The following CHAMP1 variants were observed in gnomAD, a reference collection of about 807,000 sequenced individuals.
CHAMP1 encodes chromosome alignment maintaining phosphoprotein 1, also known as chromosome alignment-maintaining phosphoprotein 1.
Under a neutral mutation model 54.5 loss-of-function variants are expected in CHAMP1, and 4 were observed. That is an observed-to-expected ratio of 0.07 (90% CI 0.04 to 0.17). CHAMP1 has a LOEUF of 0.17. CHAMP1 is among the 10% of genes least tolerant of loss of function. The pLI, the probability that CHAMP1 is intolerant of heterozygous loss-of-function variation, is 1.00. For missense variants in CHAMP1, 994 were observed against 968.6 expected (o/e 1.03, Z -0.35); for synonymous variants, 368 against 342.2 (o/e 1.08, Z -0.83).
At position 114,326,256 on chromosome 13, in the gene CHAMP1, C is replaced by T. The variant is rs781891231; in HGVS notation, c.2414C>T (p.Pro805Leu). ...ANKKLMEALE[P>L]PLEEQQI ...AAAAAGCTAATGGAAGCTCTTGAAC[C>T]GCCACTGGAGGAGCAGCAAATTTGA... Residue 805 changes from proline to leucine, a missense_variant, in exon 3 of 3, where the codon CCG (proline) becomes CTG (leucine). This residue lies in a region of CHAMP1 where 59 missense variants were observed against 146.7 expected (regional missense o/e 0.40). Transcript: ENST00000361283. 10 of 1,579,050 alleles carry T rather than the reference C, an allele frequency of 6.3e-6. No homozygotes were observed. Among genetic ancestry groups the T allele is most frequent in the South Asian group, 3.5e-5 (3 of 85,942 alleles).
chr13:114,326,149 T>C lies in CHAMP1; in HGVS notation c.2307T>C (p.Arg769=), dbSNP rs939091454. ...AHGQSLLKCP[R]CNFESNFPRG... ...GGCAAAGTTTACTTAAATGTCCACGTTGTAATTTTGAATCAAATTTCCCAA... is the reference window on the plus strand; with the variant it reads ...GGCAAAGTTTACTTAAATGTCCACGCTGTAATTTTGAATCAAATTTCCCAA... The change falls in exon 3 of 3, where the codon CGT becomes CGC. Residue 769 remains arginine (R), a synonymous_variant. Transcript: ENST00000361283. 2.5e-6 allele frequency: 4 copies of C among 1,613,250 alleles called. No individual in the cohort carries two copies. In the African/African-American group the frequency reaches 5.3e-5, roughly 22 times the overall value.
rs374095161 is a variant in CHAMP1, at chr13:114,325,209, G to A, written c.1367G>A (p.Arg456Gln). Residue 456 changes from arginine to glutamine, a missense_variant, in exon 3 of 3, where the codon CGG becomes CAG. Around this residue, in one of 3 missense-constraint regions of CHAMP1, gnomAD observed 851 missense variants for 701.3 expected, o/e 1.21. Transcript: ENST00000361283. ...PDLWKLSPDQ[R>Q]KTSPASLDFP... ...CTTTGGAAGCTTTCTCCTGATCAGC[G>A]GAAAACTTCTCCTGCTTCACTTGAT... The A allele has an allele frequency of 4.2e-5, 68 of 1,614,128 alleles. No homozygotes were observed. Among genetic ancestry groups the A allele is most frequent in the African/African-American group, 2.5e-4 (19 of 75,006 alleles).
chr13:114,324,591 T>G lies in CHAMP1; in HGVS notation c.749T>G (p.Leu250Arg). ...GCCTCATCTCCAGAGTCACCAGTTC[T>G]AGCTGCTTCCCCAGAACCTTGGGGA... ...PSASSPESPV[L>R]AASPEPWGPS... The change falls in exon 3 of 3, where the codon CTA (leucine) becomes CGA (arginine). Residue 250 changes from leucine (L) to arginine (R), a missense_variant. This residue lies in a region of CHAMP1 where 851 missense variants were observed against 701.3 expected (regional missense o/e 1.21). Coordinates refer to ENST00000361283, the MANE Select transcript of CHAMP1 (RefSeq NM_032436.4). 2 of 1,614,110 alleles carry G rather than the reference T, an allele frequency of 1.2e-6. No homozygotes were observed. The highest frequency in any genetic ancestry group is 1.7e-6 in the Non-Finnish European group (2 of 1,180,018).
Position 114,325,415 on chromosome 13 carries a change from C to A in CHAMP1, c.1573C>A (p.Pro525Thr). ...GCCTGTTCTCTCTATCGATACTGAG[C>A]CTAGAAAACCTGCCCTGTTTCCCGA... ...WKPVLSIDTE[P>T]RKPALFPEPA... Residue 525 changes from proline to threonine, a missense_variant, in exon 3 of 3, where the codon CCT becomes ACT. Physicochemically the swap from Pro to Thr is conservative, Grantham distance 38. Coordinates refer to ENST00000361283, the MANE Select transcript of CHAMP1 (RefSeq NM_032436.4). 1 of 1,614,108 alleles carries A rather than the reference C, an allele frequency of 6.2e-7. No homozygotes were observed. Among genetic ancestry groups the A allele is most frequent in the Non-Finnish European group, 8.5e-7 (1 of 1,180,038 alleles).
chr13:114,324,852 C>A lies in CHAMP1; in HGVS notation c.1010C>A (p.Ala337Asp). 1 of 1,614,166 alleles carries A rather than the reference C, an allele frequency of 6.2e-7. No homozygotes were observed. Among genetic ancestry groups the A allele is most frequent in the Non-Finnish European group, 8.5e-7 (1 of 1,180,034 alleles). Reference sequence around the variant, plus strand: ...GCATCATCAGGACCTTGGAAGCCAGCTAAACCTGCTCCATCTGTGTCTCCT... The same window carrying A: ...GCATCATCAGGACCTTGGAAGCCAGATAAACCTGCTCCATCTGTGTCTCCT... ...PSASSGPWKP[A>D]KPAPSVSPGP... is the part of the protein sequence containing the mutation. Residue 337 changes from alanine to aspartate, a missense_variant, in exon 3 of 3, where the codon GCT becomes GAT. Physicochemically the swap from Ala to Asp is moderately radical, Grantham distance 126. Coordinates refer to ENST00000361283, the MANE Select transcript of CHAMP1 (RefSeq NM_032436.4).
At chr13:114,318,876 TTTTTTTTTTTA>T (rs2087133829) in intron 1 of CHAMP1, among the ~76,000 whole-genome samples, 1 of 136,168 alleles carries the variant, frequency 7.3e-6, no homozygotes, top group African/African-American at 3.0e-5. Flanking sequence ...TTTTTTTTTT[TTTTTTTTTTTA>T]ATGTTCCCTA....
chr13:114,324,809 T>A lies in CHAMP1; in HGVS notation c.967T>A (p.Trp323Arg). Residue 323 changes from tryptophan (W) to arginine (R), a missense_variant, in exon 3 of 3, where the codon TGG becomes AGG. Physicochemically the swap from Trp to Arg is moderately radical, Grantham distance 101. Coordinates refer to ENST00000361283, the MANE Select transcript of CHAMP1 (RefSeq NM_032436.4). ...KPGPPGSPRP[W>R]KSNPSASSGP... The stretch of plus-strand genomic sequence containing the variant: ...AGGGCCACCTGGGTCCCCTAGGCCT[T>A]GGAAATCCAATCCTTCAGCATCATC... 6.2e-7 allele frequency: 1 copy of A among 1,614,024 alleles called. No homozygotes were observed. Among genetic ancestry groups the A allele is most frequent in the Non-Finnish European group, 8.5e-7 (1 of 1,179,940 alleles).
chr13:114,316,481 T>G (rs909419324), intron 1 of CHAMP1, among the ~76,000 whole-genome samples: 1 of 151,168 alleles, frequency 6.6e-6, no homozygotes, highest in Non-Finnish European at 1.5e-5. Context: ...TCCCAGCTAC[T>G]GGGGAGGCTG....
intron 1 of CHAMP1, among the ~76,000 whole-genome samples, chr13:114,316,925 G>A (rs963351436): frequency 1.3e-5 from 2 of 152,106 alleles, no homozygotes; most frequent in African/African-American, 4.8e-5. Flanking sequence ...AGGAAAAACT[G>A]GGGACAAGAA....
chr13:114,317,120 C>G (rs1392492336), intron 1 of CHAMP1, among the ~76,000 whole-genome samples: 1 of 152,026 alleles, frequency 6.6e-6, no homozygotes, highest in Non-Finnish European at 1.5e-5. Flanking sequence ...CGGGTTCAAG[C>G]GATTCTCCTG....
intron 1 of CHAMP1, among the ~76,000 whole-genome samples, chr13:114,320,578 T>C (rs2087154486): frequency 6.6e-6 from 1 of 152,186 alleles, no homozygotes; most frequent in South Asian, 2.1e-4. Flanking sequence ...ACGGGCATAA[T>C]TCCATAGTGG....
Position 114,326,456 on chromosome 13 carries a change from C to G in CHAMP1, c.*175C>G. On this transcript the variant is annotated 3_prime_UTR_variant, in exon 3 of 3. Coordinates refer to ENST00000361283, the MANE Select transcript of CHAMP1 (RefSeq NM_032436.4). Reference sequence around the variant, plus strand: ...TTGATCATTTTTTTCTGGTCTCTGTCTATGTGACTATCTTGTAAGTCAATA... The same window carrying G: ...TTGATCATTTTTTTCTGGTCTCTGTGTATGTGACTATCTTGTAAGTCAATA... 1.6e-6 allele frequency: 1 copy of G among 640,914 alleles called. No individual in the cohort carries two copies. The highest frequency in any genetic ancestry group is 3.7e-5 in the Admixed American group (1 of 26,898). The allele number at this position is 640,914 out of a possible 1,614,324, so 39.7% of individuals were successfully genotyped here. A position where few individuals can be genotyped will look rare whatever the true frequency, so the allele number is the denominator to read the frequency against.
Position 114,324,876 on chromosome 13 carries a change from C to G in CHAMP1, c.1034C>G (p.Pro345Arg), listed in dbSNP as rs1050189129. ...KPAKPAPSVS[P>R]GPWKPIPSVS... ...GCTAAACCTGCTCCATCTGTGTCTC[C>G]TGGACCTTGGAAACCAATTCCTTCT... The change falls in exon 3 of 3, where the codon CCT (proline) becomes CGT (arginine). Residue 345 changes from proline (P) to arginine (R), a missense_variant. Coordinates refer to ENST00000361283, the MANE Select transcript of CHAMP1 (RefSeq NM_032436.4). 5 of 1,614,054 alleles carry G rather than the reference C, an allele frequency of 3.1e-6. No homozygotes were observed. Among genetic ancestry groups the G allele is most frequent in the Non-Finnish European group, 3.4e-6 (4 of 1,180,034 alleles).
chr13:114,319,445 C>G (rs1400342175), intron 1 of CHAMP1, among the ~76,000 whole-genome samples: 5 of 152,186 alleles, frequency 3.3e-5, no homozygotes, highest in Admixed American at 6.5e-5. Flanking sequence ...AGTCCCTCCT[C>G]TCCAGGAGCT....
chr13:114,324,869 G>C lies in CHAMP1; in HGVS notation c.1027G>C (p.Val343Leu). The C allele has an allele frequency of 6.2e-7, 1 of 1,614,146 alleles. No homozygotes were observed. The highest frequency in any genetic ancestry group is 8.5e-7 in the Non-Finnish European group (1 of 1,180,020). Residue 343 changes from valine to leucine, a missense_variant, in exon 3 of 3, where the codon GTG becomes CTG. Coordinates refer to ENST00000361283, the MANE Select transcript of CHAMP1 (RefSeq NM_032436.4). ...PWKPAKPAPS[V>L]SPGPWKPIPS... ...GAAGCCAGCTAAACCTGCTCCATCT[G>C]TGTCTCCTGGACCTTGGAAACCAAT...
chr13:114,324,326 G>T lies in CHAMP1; in HGVS notation c.484G>T (p.Val162Phe), dbSNP rs1007989539. 2.2e-5 allele frequency: 36 copies of T among 1,613,922 alleles called. No homozygotes were observed. The highest frequency in any genetic ancestry group is 2.9e-5 in the Non-Finnish European group (34 of 1,180,032). The change falls in exon 3 of 3, where the codon GTT becomes TTT. Residue 162 changes from valine (V) to phenylalanine (F), a missense_variant. Transcript: ENST00000361283. ...CCTGGAGCCTCAGAAACCTGGCTCT[G>T]TTGTTTCTCCTGAGCTACAGACACC... ...TPLEPQKPGS[V>F]VSPELQTPLP...
chr13:114,326,502 G>T lies in CHAMP1; in HGVS notation c.*221G>T. On this transcript the variant is annotated 3_prime_UTR_variant, in exon 3 of 3. Transcript: ENST00000361283. ...CAATAAATTTCTGTATAGTCCAGAT[G>T]GATTAAACTTCTCATTTCTTTTAAA... 1 of 424,620 alleles carries T rather than the reference G, an allele frequency of 2.4e-6. No homozygotes were observed. Among genetic ancestry groups the T allele is most frequent in the Non-Finnish European group, 4.2e-6 (1 of 235,934 alleles). 26.3% of individuals were successfully genotyped at this position (424,620 alleles called of 1,614,324 possible).
rs782389728 is a variant in CHAMP1, at chr13:114,325,453, A to G, written c.1611A>G (p.Thr537=). Residue 537 remains threonine, a synonymous_variant, in exon 3 of 3, where the codon ACA becomes ACG. Coordinates refer to ENST00000361283, the MANE Select transcript of CHAMP1 (RefSeq NM_032436.4). Reference sequence around the variant, plus strand: ...CCCTGTTTCCCGAGCCTGCCAAAACAGCCCCTCCTGCTTCTCCAGAAGCAC... The same window carrying G: ...CCCTGTTTCCCGAGCCTGCCAAAACGGCCCCTCCTGCTTCTCCAGAAGCAC... ...KPALFPEPAK[T]APPASPEARK... 6.2e-7 allele frequency: 1 copy of G among 1,614,134 alleles called. No homozygotes were observed. Among genetic ancestry groups the G allele is most frequent in the Admixed American group, 1.7e-5 (1 of 60,014 alleles).
In CHAMP1 at chr13:114,324,543, C is replaced by T. The variant is rs782223907; in HGVS notation, c.701C>T (p.Pro234Leu). Reference protein sequence around the residue: ...NPKPQKQSHFPETLGPPSASS... With the variant: ...NPKPQKQSHFLETLGPPSASS... ...AAACCCCAGAAGCAGTCTCATTTCC[C>T]GGAAACATTGGGGCCACCTTCAGCC... The change falls in exon 3 of 3, where the codon CCG (proline) becomes CTG (leucine). Residue 234 changes from proline (P) to leucine (L), a missense_variant. By Grantham distance (98) the Pro-to-Leu change is moderately conservative (BLOSUM62 -3). Coordinates refer to ENST00000361283, the MANE Select transcript of CHAMP1 (RefSeq NM_032436.4). 1.5e-5 allele frequency: 25 copies of T among 1,614,046 alleles called. No homozygotes were observed. Among genetic ancestry groups the T allele is most frequent in the African/African-American group, 2.7e-5 (2 of 74,910 alleles).
Sources: gnomAD v4.1 joint callset for allele counts (sites outside exome capture counted in the v4.1 genomes callset) on GRCh38, gnomAD v4.1.1 for gene constraint, gnomAD v4.1.1 regional missense constraint, MANE v1.5 for transcripts, NCBI Gene and HGNC (gene_info 2026-07-23, HGNC 2026-07-21) for gene names.